Variants in DNAH11 observed in about 807,000 individuals in gnomAD.
The protein encoded by DNAH11 is axonemal beta dynein heavy chain 11.
In DNAH11, 442 loss-of-function variants were observed where a neutral mutation model predicts 526.0. The ratio of observed to expected loss-of-function variants is 0.84; its 90% CI spans 0.78 to 0.91. DNAH11 has a LOEUF of 0.91. Among genes scored for constraint, DNAH11 ranks in the 40% least tolerant of loss-of-function variants. The pLI, the probability that DNAH11 is intolerant of heterozygous loss-of-function variation, is 0.00. For synonymous variants in DNAH11, 2,461 were observed against 1,935.9 expected, an observed-to-expected ratio of 1.27 and a Z score of -7.12; for missense variants, 6,989 against 5,448.7, an observed-to-expected ratio of 1.28 and a Z score of -8.90.
At chr7:21,546,858 TAA>T (rs746048817) in intron 2 of DNAH11, among the ~76,000 whole-genome samples, 5 of 152,234 alleles carry the variant, frequency 3.3e-5, no homozygotes, top group Admixed American at 2.0e-4. Flanking sequence ...TTCTGTATTT[TAA>T]AAGTGTTTCC....
rs776291772 is a variant in DNAH11, at chr7:21,570,272, G to A, written c.1398G>A (p.Lys466=). The change falls in exon 7 of 82, where the codon AAG becomes AAA. Residue 466 remains lysine (K), a synonymous_variant. Transcript: ENST00000409508. Reference sequence around the variant, plus strand: ...ATCTGGTGTTTTGCAGATTTGACAAGTTTCTTGATCGTTTAATAAAAATAG... The same window carrying A: ...ATCTGGTGTTTTGCAGATTTGACAAATTTCTTGATCGTTTAATAAAAATAG... ...QSHLVFCRFD[K]FLDRLIKIED... The A allele has an allele frequency of 6.2e-7, 1 of 1,607,034 alleles. No individual in the cohort carries two copies. The highest frequency in any genetic ancestry group is 8.5e-7 in the Non-Finnish European group (1 of 1,177,984).
intron 20 of DNAH11, among the ~76,000 whole-genome samples, chr7:21,613,934 A>AATT (rs1554321040): frequency 7.0e-6 from 1 of 142,802 alleles, no homozygotes; most frequent in African/African-American, 2.6e-5. Flanking sequence ...TGCCCAGCTA[A>AATT]TTTTTTTTTT....
intron 65 of DNAH11, among the ~76,000 whole-genome samples, chr7:21,818,806 G>C (rs993448709): frequency 6.6e-6 from 1 of 151,964 alleles, no homozygotes; most frequent in Non-Finnish European, 1.5e-5. Flanking sequence ...GTAACCATTC[G>C]GAAAAGGAGA....
At chr7:21,724,262 C>T (rs1401794050) in intron 44 of DNAH11, among the ~76,000 whole-genome samples, 1 of 152,180 alleles carries the variant, frequency 6.6e-6, no homozygotes, top group Non-Finnish European at 1.5e-5. Context: ...GTATCTTCTA[C>T]CACCAATCTG....
At chr7:21,735,589 C>T (rs573753719) in intron 45 of DNAH11, 51 bp from the exon 46 acceptor site, 30 of 1,514,298 alleles carry the variant, frequency 2.0e-5, no homozygotes, top group Middle Eastern at 1.7e-4. Context: ...CTCTCTCGCA[C>T]GCACTCTCTC....
intron 65 of DNAH11, among the ~76,000 whole-genome samples, chr7:21,835,705 C>T (rs556655001): frequency 4.7e-4 from 71 of 152,080 alleles, no homozygotes; most frequent in African/African-American, 1.7e-3. Context: ...TGAAACAAGA[C>T]AAGGATTCTC....
chr7:21,800,590 C>A (rs1362093726), intron 61 of DNAH11, among the ~76,000 whole-genome samples: 1 of 152,130 alleles, frequency 6.6e-6, no homozygotes, highest in Admixed American at 6.5e-5. Flanking sequence ...TGAGATTGCA[C>A]CATCGCATCC....
chr7:21,749,729 G>A lies in DNAH11; in HGVS notation c.8725G>A (p.Val2909Met), dbSNP rs563662944. Residue 2909 changes from valine (V) to methionine (M), a missense_variant, in exon 53 of 82, where the codon GTG becomes ATG. Coordinates refer to ENST00000409508, the MANE Select transcript of DNAH11 (RefSeq NM_001277115.2). ...AACTGGAGCCAAGAACATGCCCACTGTGTTCCTGCTGACAGATGCCCAGGT... is the reference window on the plus strand; with the variant it reads ...AACTGGAGCCAAGAACATGCCCACTATGTTCCTGCTGACAGATGCCCAGGT... ...IRTGAKNMPT[V>M]FLLTDAQVLD... 1 of 1,614,002 alleles carries A rather than the reference G, an allele frequency of 6.2e-7. No individual in the cohort carries two copies. Among genetic ancestry groups the A allele is most frequent in the Admixed American group, 1.7e-5 (1 of 60,030 alleles).
chr7:21,841,697 C>A (rs374556270), intron 65 of DNAH11, among the ~76,000 whole-genome samples: 9 of 152,250 alleles, frequency 5.9e-5, no homozygotes, highest in African/African-American at 2.2e-4. Flanking sequence ...TAGTGTGCAG[C>A]CACCCGGGAG....
In DNAH11 at chr7:21,684,888, T is replaced by A. The variant is rs926284339; in HGVS notation, c.5621+944T>A. 7.9e-5 allele frequency among the ~76,000 whole-genome samples: 12 copies of A among 152,256 alleles called. 1 individual carries two copies. Among genetic ancestry groups the A allele is most frequent in the African/African-American group, 2.7e-4 (11 of 41,466 alleles). ...GATGGGAGACAGCACATTTAATCTT[T>A]GGCATTCATGAAGCAGAAATCACAC... On this transcript the variant is annotated intron_variant, in intron 32 of 81. Coordinates refer to ENST00000409508, the MANE Select transcript of DNAH11 (RefSeq NM_001277115.2).
intron 61 of DNAH11, among the ~76,000 whole-genome samples, chr7:21,795,059 T>G (rs2127990961): frequency 6.6e-6 from 1 of 152,324 alleles, no homozygotes; most frequent in Non-Finnish European, 1.5e-5. Flanking sequence ...GGATATTTGT[T>G]TTGGGTTTTC....
chr7:21,730,186 C>T (rs755638892), intron 45 of DNAH11, among the ~76,000 whole-genome samples: 1 of 152,172 alleles, frequency 6.6e-6, no homozygotes, highest in Non-Finnish European at 1.5e-5. Context: ...CGCATGTTTA[C>T]TGCAGCACTA....
At position 21,720,728 on chromosome 7, in the gene DNAH11, C is replaced by A. The variant is rs1562508382; in HGVS notation, c.7138C>A (p.Leu2380Ile). Reference protein sequence around the residue: ...SIPESSLVQTLCVLLECLLTP... With the variant: ...SIPESSLVQTICVLLECLLTP... ...TTGACTATTTCTTTTTCTTTAGACTCTATGTGTTCTTTTGGAGTGCTTGCT... is the reference window on the plus strand; with the variant it reads ...TTGACTATTTCTTTTTCTTTAGACTATATGTGTTCTTTTGGAGTGCTTGCT... Residue 2380 changes from leucine to isoleucine, a missense_variant, in exon 44 of 82, where the codon CTA (leucine) becomes ATA (isoleucine). Transcript: ENST00000409508. 1 of 1,567,604 alleles carries A rather than the reference C, an allele frequency of 6.4e-7. No homozygotes were observed. Among genetic ancestry groups the A allele is most frequent in the Non-Finnish European group, 8.7e-7 (1 of 1,155,106 alleles).
At chr7:21,842,349 A>G (rs1464597166) in intron 65 of DNAH11, among the ~76,000 whole-genome samples, 195 bp from the exon 66 acceptor site, 1 of 152,204 alleles carries the variant, frequency 6.6e-6, no homozygotes, top group African/African-American at 2.4e-5. Flanking sequence ...ATATGAGGAA[A>G]CTAAATCATA....
chr7:21,591,144 A>C (rs1784662035), intron 13 of DNAH11, 41 bp from the exon 14 acceptor site: 1 of 1,526,172 alleles, frequency 6.6e-7, no homozygotes, highest in Admixed American at 2.3e-5. Flanking sequence ...AAAATAGCTA[A>C]CATATTTGGC....
In DNAH11 at chr7:21,809,230, T is replaced by A. The variant is rs186277839; in HGVS notation, c.10332+1181T>A. On this transcript the variant is annotated intron_variant, in intron 63 of 81. Coordinates refer to ENST00000409508, the MANE Select transcript of DNAH11 (RefSeq NM_001277115.2). Reference sequence around the variant, plus strand: ...GAACTTTGTCCATTTTACGATCAAGTTTTTTGCTTTATTTGCTATTGAGTT... The same window carrying A: ...GAACTTTGTCCATTTTACGATCAAGATTTTTGCTTTATTTGCTATTGAGTT... Among the ~76,000 whole-genome samples, 11 of 152,314 alleles carry A rather than the reference T, an allele frequency of 7.2e-5. No individual in the cohort carries two copies. In the East Asian group the frequency reaches 2.1e-3, roughly 29 times the overall value.
At chr7:21,853,798 T>G (rs1469693113) in intron 67 of DNAH11, among the ~76,000 whole-genome samples, 1 of 152,220 alleles carries the variant, frequency 6.6e-6, no homozygotes, top group Non-Finnish European at 1.5e-5. Context: ...TATATGGACA[T>G]ATGGATGATC....
In DNAH11 at chr7:21,861,225, T is replaced by C. The variant is rs1783051224; in HGVS notation, c.11203-628T>C. 2.6e-5 allele frequency among the ~76,000 whole-genome samples: 4 copies of C among 152,252 alleles called. No homozygotes were observed. The South Asian group carries it at 8.3e-4, about 31-fold the overall frequency. ...GCAACATGAAAAAGCTCTGGCATCC[T>C]AGTGACACTGGATTTAGCTTTTCTT... On this transcript the variant is annotated intron_variant, in intron 68 of 81. Transcript: ENST00000409508.
intron 65 of DNAH11, among the ~76,000 whole-genome samples, chr7:21,833,074 C>G (rs1427045825): frequency 6.6e-6 from 1 of 152,194 alleles, no homozygotes; most frequent in Non-Finnish European, 1.5e-5. Flanking sequence ...AGTTCCCAAT[C>G]CCATGACAGT....
Sources: gnomAD v4.1 joint callset for allele counts (sites outside exome capture counted in the v4.1 genomes callset) on GRCh38, gnomAD v4.1.1 for gene constraint, MANE v1.5 for transcripts, NCBI Gene and HGNC (gene_info 2026-07-23, HGNC 2026-07-21) for gene names.